The following STKLD1 variants were observed in gnomAD, a reference collection of about 807,000 sequenced individuals.
The protein encoded by STKLD1 is serine/threonine kinase like domain containing 1.
Under a neutral mutation model 80.4 loss-of-function variants are expected in STKLD1, and 79 were observed. The observed-to-expected ratio is 0.98, with a 90% CI of 0.82 to 1.19. The LOEUF is 1.19. Among genes scored for constraint, STKLD1 ranks in the 50% most tolerant of loss-of-function variants. STKLD1 has a pLI of 0.00. For synonymous variants in STKLD1, 393 were observed against 357.6 expected (o/e 1.10, Z -1.12); for missense variants, 841 against 856.0 (o/e 0.98, Z 0.22).
intron 7 of STKLD1, among the ~76,000 whole-genome samples, chr9:133,393,552 A>T (rs1302365383): frequency 9.0e-6 from 1 of 110,934 alleles, no homozygotes; most frequent in African/African-American, 3.5e-5. Context: ...TGGATGGGTG[A>T]GTGTGTGGGT....
At chr9:133,383,627 G>T (rs942829170) in intron 2 of STKLD1, among the ~76,000 whole-genome samples, 1 of 46,964 alleles carries the variant, frequency 2.1e-5, no homozygotes, top group Non-Finnish European at 4.7e-5. Flanking sequence ...AATGGTAGTG[G>T]TGGTGGTGTG....
At chr9:133,402,556 TG>T (rs1838735467) in intron 13 of STKLD1, among the ~76,000 whole-genome samples, 1 of 152,230 alleles carries the variant, frequency 6.6e-6, no homozygotes, top group East Asian at 1.9e-4. Flanking sequence ...GGCCCCGTCA[TG>T]GTTCCATCCT....
At chr9:133,402,821 G>C in intron 13 of STKLD1, 57 bp from the exon 14 acceptor site, 1 of 1,559,682 alleles carries the variant, frequency 6.4e-7, no homozygotes, top group East Asian at 2.3e-5. Flanking sequence ...GACAACAGAG[G>C]CAGGAAGGCT....
In STKLD1 at chr9:133,405,459, A is replaced by G. The variant is rs373242845; in HGVS notation, c.*38A>G. The G allele has an allele frequency of 3.2e-6, 5 of 1,552,528 alleles. No individual in the cohort carries two copies. The African/African-American group carries it at 4.1e-5, about 13-fold the overall frequency. ...AACTGACCTTGATCTCCACGTGTAT[A>G]GTTTTCAAGACTGCTCTCCTGCCTG... On this transcript the variant is annotated 3_prime_UTR_variant, in exon 18 of 18. Coordinates refer to ENST00000371957, the MANE Select transcript of STKLD1 (RefSeq NM_153710.5).
rs112542052 is a variant in STKLD1, at chr9:133,402,605, G to A, written c.1340-273G>A. Reference sequence around the variant, plus strand: ...CTGGCTCTGTGAGCCCAGGAGGCAGGGTCAGGCCCCCTGGATGGGAAGCTA... The same window carrying A: ...CTGGCTCTGTGAGCCCAGGAGGCAGAGTCAGGCCCCCTGGATGGGAAGCTA... On this transcript the variant is annotated intron_variant, in intron 13 of 17. Coordinates refer to ENST00000371957, the MANE Select transcript of STKLD1 (RefSeq NM_153710.5). 4.6e-5 allele frequency among the ~76,000 whole-genome samples: 7 copies of A among 152,336 alleles called. 1 individual carries two copies. The highest frequency in any genetic ancestry group is 1.4e-4 in the African/African-American group (6 of 41,588).
In STKLD1 at chr9:133,396,350, G is replaced by A. The variant is rs587624683; in HGVS notation, c.866+587G>A. On this transcript the variant is annotated intron_variant, in intron 9 of 17. Transcript: ENST00000371957. ...CTGGGGAGGCTGAGGCAGGAGGATCGCTCGAGCCCGGGAGGCAGAGGTTGT... is the reference window on the plus strand; with the variant it reads ...CTGGGGAGGCTGAGGCAGGAGGATCACTCGAGCCCGGGAGGCAGAGGTTGT... Among the ~76,000 whole-genome samples, 16 of 152,282 alleles carry A rather than the reference G, an allele frequency of 1.1e-4. No homozygotes were observed. In the East Asian group the frequency reaches 1.7e-3, roughly 17 times the overall value.
At chr9:133,383,309 G>A (rs1485895048) in intron 2 of STKLD1, among the ~76,000 whole-genome samples, 2 of 11,324 alleles carry the variant, frequency 1.8e-4, no homozygotes, top group African/African-American at 3.8e-4. Flanking sequence ...GGTGGTAATG[G>A]TGGTGGTGTG....
Position 133,376,578 on chromosome 9 carries a change from C to G in STKLD1, c.87+18C>G. On this transcript the variant is annotated intron_variant, in intron 1 of 17. Transcript: ENST00000371957. ...AGTACCAGGTGCCGAGTGTTCCCTG[C>G]GGGGAGGCGGGAGCTCCGTGGGGTA... The G allele has an allele frequency of 6.4e-7, 1 of 1,565,196 alleles. No individual in the cohort carries two copies. The highest frequency in any genetic ancestry group is 8.6e-7 in the Non-Finnish European group (1 of 1,158,218).
At chr9:133,392,329 A>C (rs1480996494) in intron 7 of STKLD1, among the ~76,000 whole-genome samples, 1 of 151,874 alleles carries the variant, frequency 6.6e-6, no homozygotes, top group Non-Finnish European at 1.5e-5. Context: ...GGCCTCCCAA[A>C]GTGCTGGGAT....
chr9:133,405,135 G>A (rs1433373935), intron 17 of STKLD1, 117 bp from the exon 18 acceptor site: 1 of 1,370,408 alleles, frequency 7.3e-7, no homozygotes, highest in Non-Finnish European at 9.9e-7. Flanking sequence ...GAACTGCAAG[G>A]TGGCTCTGTG....
chr9:133,381,139 T>TC (rs1838122230), intron 2 of STKLD1, among the ~76,000 whole-genome samples: 1 of 143,854 alleles, frequency 7.0e-6, no homozygotes, highest in Admixed American at 6.9e-5. Flanking sequence ...AACTTTTTTT[T>TC]TTTTTTTTTT....
In STKLD1 at chr9:133,404,736, T is replaced by C. The variant is rs587664729; in HGVS notation, c.1733-53T>C. 11 of 1,597,300 alleles carry C rather than the reference T, an allele frequency of 6.9e-6. No individual in the cohort carries two copies. In the South Asian group the frequency reaches 8.9e-5, roughly 13 times the overall value. On this transcript the variant is annotated intron_variant, in intron 16 of 17. Transcript: ENST00000371957. ...TCCCATCCCGTCCTGGGCAGAAGGC[T>C]CTTCCCTTTCAGGGGAAAGCAGGGA... is the stretch of plus-strand genomic sequence containing the variant.
chr9:133,383,305 AATGGTGGTGGTGTG>A (rs1838187818), intron 2 of STKLD1, among the ~76,000 whole-genome samples: 3 of 526 alleles, frequency 5.7e-3, no homozygotes, highest in Non-Finnish European at 7.4e-3. Context: ...TGATGGTGGT[AATGGTGGTGGTGTG>A]ATGATGGTGG....
chr9:133,376,382 C>T lies in STKLD1; in HGVS notation c.-92C>T, dbSNP rs2130247166. 3 of 1,418,800 alleles carry T rather than the reference C, an allele frequency of 2.1e-6. No individual in the cohort carries two copies. The highest frequency in any genetic ancestry group is 2.8e-5 in the South Asian group (2 of 71,120). The allele number at this position is 1,418,800 out of a possible 1,614,324, so 87.9% of individuals were successfully genotyped here. ...GGGACGCCTGAGTGCCTCGAGGGCG[C>T]CGTTCGGGCGGGGAGGATCCCGCGG... is the stretch of plus-strand genomic sequence containing the variant. On this transcript the variant is annotated 5_prime_UTR_variant, in exon 1 of 18. Transcript: ENST00000371957.
chr9:133,395,892 C>G, intron 9 of STKLD1, 129 bp downstream of exon 9: 2 of 959,896 alleles, frequency 2.1e-6, no homozygotes, highest in Non-Finnish European at 3.1e-6. Context: ...CCTGATTATC[C>G]CTGCACAGCT....
chr9:133,386,533 C>T (rs2130277783), intron 4 of STKLD1, among the ~76,000 whole-genome samples: 4 of 152,256 alleles, frequency 2.6e-5, no homozygotes, highest in African/African-American at 7.2e-5. Flanking sequence ...TCCGTCATCA[C>T]GTGCCAGGAG....
intron 5 of STKLD1, among the ~76,000 whole-genome samples, chr9:133,388,539 G>A (rs1457535872): frequency 1.3e-5 from 2 of 152,272 alleles, no homozygotes; most frequent in Admixed American, 6.5e-5. Flanking sequence ...GAGCCGCCGC[G>A]CCTAGCCAGT....
chr9:133,401,784 C>T lies in STKLD1; in HGVS notation c.1245C>T (p.Ile415=), dbSNP rs150926353. 2.4e-4 allele frequency: 383 copies of T among 1,613,628 alleles called. 2 individuals are homozygous for T. The highest frequency in any genetic ancestry group is 1.6e-3 in the Middle Eastern group (10 of 6,062). Reference sequence around the variant, plus strand: ...CCAAGGCTCCCTGCAACCAAGCCATCACCTCCACCCTGCTGAGTGCTCTTC... The same window carrying T: ...CCAAGGCTCCCTGCAACCAAGCCATTACCTCCACCCTGCTGAGTGCTCTTC... ...PEAKAPCNQA[I]TSTLLSALQS... is the part of the protein sequence containing the mutation. Residue 415 remains isoleucine, a synonymous_variant, in exon 13 of 18, where the codon ATC becomes ATT. Transcript: ENST00000371957.
At chr9:133,377,607 G>A (rs1419248364) in intron 1 of STKLD1, among the ~76,000 whole-genome samples, 1 of 152,082 alleles carries the variant, frequency 6.6e-6, no homozygotes, top group Non-Finnish European at 1.5e-5. Flanking sequence ...AGGTTGTGGT[G>A]AGCCAAGATA....
Sources: gnomAD v4.1 joint callset for allele counts (sites outside exome capture counted in the v4.1 genomes callset) on GRCh38, gnomAD v4.1.1 for gene constraint, MANE v1.5 for transcripts, NCBI Gene and HGNC (gene_info 2026-07-23, HGNC 2026-07-21) for gene names.